Variants in PDZD2 observed in about 807,000 individuals in gnomAD.
PDZD2 encodes the protein PDZ domain containing 2.
In PDZD2, 90 loss-of-function variants were observed where a neutral mutation model predicts 220.7. The observed-to-expected ratio is 0.41, with a 90% CI of 0.34 to 0.49. PDZD2 has a LOEUF of 0.49. Ranked by LOEUF, PDZD2 falls within the 20% of genes least tolerant of loss-of-function variation. PDZD2 has a pLI of 0.28. For missense variants in PDZD2, 3,174 were observed against 3,608.5 expected, an observed-to-expected ratio of 0.88 and a Z score of 3.08; for synonymous variants, 1,375 against 1,450.5, an observed-to-expected ratio of 0.95 and a Z score of 1.18.
intron 1 of PDZD2, among the ~76,000 whole-genome samples, chr5:31,649,243 C>T (rs1157882457): frequency 1.3e-5 from 2 of 152,024 alleles, no homozygotes; most frequent in South Asian, 2.1e-4. Flanking sequence ...TTCTCGTTGC[C>T]ATTTCAGTGT....
intron 1 of PDZD2, among the ~76,000 whole-genome samples, chr5:31,660,837 C>A (rs372841916): frequency 6.6e-6 from 1 of 152,190 alleles, no homozygotes; most frequent in East Asian, 1.9e-4. Context: ...GTCCTCCCCC[C>A]TCAGCCTCCT....
intron 2 of PDZD2, among the ~76,000 whole-genome samples, chr5:31,927,958 G>A (rs530837213): frequency 1.3e-5 from 2 of 152,078 alleles, no homozygotes; most frequent in South Asian, 4.2e-4. Flanking sequence ...CACCAAGATG[G>A]CTCCTTCTTG....
intron 2 of PDZD2, among the ~76,000 whole-genome samples, chr5:31,886,729 G>A (rs1189088017): frequency 3.3e-5 from 5 of 149,326 alleles, no homozygotes; most frequent in Non-Finnish European, 7.4e-5. Context: ...ACGGAGTCTT[G>A]CTCTGTCGCT....
chr5:32,058,076 A>T lies in PDZD2; in HGVS notation c.2173A>T (p.Ile725Phe). 1.3e-6 allele frequency: 2 copies of T among 1,596,458 alleles called. No individual in the cohort carries two copies. Among genetic ancestry groups the T allele is most frequent in the Admixed American group, 1.7e-5 (1 of 60,008 alleles). ...GRKTPGPKDR[I>F]VMEVTLNKEP... ...GAAGACCCCTGGGCCCAAGGACAGG[A>T]TCGTCATGGAAGTAACACTCAACAA... Residue 725 changes from isoleucine to phenylalanine, a missense_variant, in exon 12 of 25, where the codon ATC becomes TTC. By Grantham distance (21) the Ile-to-Phe change is conservative. This residue lies in a region of PDZD2 where 1,861 missense variants were observed against 2,001.0 expected (regional missense o/e 0.93). Coordinates refer to ENST00000438447, the MANE Select transcript of PDZD2 (RefSeq NM_178140.4).
chr5:31,878,294 CT>C (rs1422510457), intron 2 of PDZD2, among the ~76,000 whole-genome samples: 2 of 152,140 alleles, frequency 1.3e-5, no homozygotes, highest in African/African-American at 4.8e-5. Context: ...TCCCCAGGGG[CT>C]TTTTTCTTGG....
intron 2 of PDZD2, among the ~76,000 whole-genome samples, chr5:31,873,138 A>C (rs1170205563): frequency 6.6e-6 from 1 of 152,146 alleles, no homozygotes; most frequent in Non-Finnish European, 1.5e-5. Flanking sequence ...GTATATAGAG[A>C]GATCCTGAGA....
chr5:32,022,180 T>A lies in PDZD2; in HGVS notation c.1407+11698T>A, dbSNP rs546614837. On this transcript the variant is annotated intron_variant, in intron 6 of 24. Transcript: ENST00000438447. ...TGTCTTCTTCTTTTTTCGTTTTGTT[T>A]TTTTGTTTTTTTGTTTTTTGTTTTT... Among the ~76,000 whole-genome samples the A allele has an allele frequency of 1.9e-4, 18 of 93,940 alleles. No homozygotes were observed. The East Asian group carries it at 4.2e-3, about 22-fold the overall frequency. 61.6% of individuals were successfully genotyped at this position (93,940 alleles called of 152,430 possible).
intron 2 of PDZD2, among the ~76,000 whole-genome samples, chr5:31,861,198 G>A (rs1737677350): frequency 1.3e-5 from 2 of 152,154 alleles, no homozygotes; most frequent in Non-Finnish European, 2.9e-5. Flanking sequence ...GCAGGAGAGA[G>A]TAAGTAGCAG....
At chr5:31,647,954 CT>C (rs1183214320) in intron 1 of PDZD2, among the ~76,000 whole-genome samples, 1 of 152,142 alleles carries the variant, frequency 6.6e-6, no homozygotes, top group African/African-American at 2.4e-5. Context: ...TCTCTTTTGC[CT>C]TTTAGTAAAT....
chr5:31,672,162 G>A (rs1005810636), intron 1 of PDZD2, among the ~76,000 whole-genome samples: 7 of 152,162 alleles, frequency 4.6e-5, no homozygotes, highest in South Asian at 2.1e-4. Flanking sequence ...CCTCGAGAAC[G>A]ACTGTCCTAG....
chr5:31,693,205 T>C (rs1747216077), intron 1 of PDZD2, among the ~76,000 whole-genome samples: 1 of 133,594 alleles, frequency 7.5e-6, no homozygotes, highest in African/African-American at 2.8e-5. Context: ...AAGAGGACAG[T>C]CTGGGGGTGG....
chr5:31,976,864 C>T (rs1170083247), intron 2 of PDZD2, among the ~76,000 whole-genome samples: 10 of 151,324 alleles, frequency 6.6e-5, no homozygotes, highest in African/African-American at 2.4e-4. Flanking sequence ...ATTACAGGCA[C>T]GTGCTACCAC....
chr5:31,953,045 G>A (rs1747320371), intron 2 of PDZD2, among the ~76,000 whole-genome samples: 1 of 143,406 alleles, frequency 7.0e-6, no homozygotes, highest in Admixed American at 7.1e-5. Context: ...GCAAGACAGA[G>A]TGAGACTCCA....
In PDZD2 at chr5:31,686,117, G is replaced by A. The variant is rs995645361; in HGVS notation, c.-361+46680G>A. Among the ~76,000 whole-genome samples, 8 of 151,792 alleles carry A rather than the reference G, an allele frequency of 5.3e-5. No individual in the cohort carries two copies. The South Asian group carries it at 8.3e-4, about 16-fold the overall frequency. On this transcript the variant is annotated intron_variant, in intron 1 of 24. Coordinates refer to ENST00000438447, the MANE Select transcript of PDZD2 (RefSeq NM_178140.4). ...ACCCAGGTAGTAGTCCCAGCTACTC[G>A]GGAGGCTGAGGCAGGAGAATCACTT...
chr5:31,896,872 G>A (rs1741617950), intron 2 of PDZD2, among the ~76,000 whole-genome samples: 1 of 152,208 alleles, frequency 6.6e-6, no homozygotes, highest in African/African-American at 2.4e-5. Context: ...TGGGAGGATT[G>A]CTTGAGCCTG....
chr5:31,805,303 T>C (rs563726869), intron 2 of PDZD2, among the ~76,000 whole-genome samples: 2 of 152,344 alleles, frequency 1.3e-5, no homozygotes, highest in East Asian at 3.9e-4. Context: ...ATTTAGGTAG[T>C]AGGGAGTTGA....
At chr5:31,917,904 TAATTTTGTATTTTTA>T (rs1743832767) in intron 2 of PDZD2, among the ~76,000 whole-genome samples, 3 of 152,140 alleles carry the variant, frequency 2.0e-5, no homozygotes, top group Non-Finnish European at 2.9e-5. Flanking sequence ...TACACCCAGC[TAATTTTGTATTTTTA>T]GTAGAGATGG....
In PDZD2 at chr5:32,009,993, A is replaced by T. The variant is rs985019817; in HGVS notation, c.1255-337A>T. 2.7e-5 allele frequency among the ~76,000 whole-genome samples: 4 copies of T among 150,006 alleles called. No individual in the cohort carries two copies. In the Admixed American group the frequency reaches 2.7e-4, roughly 10 times the overall value. ...TCCCAGCTACTTGGGAGGCTGATGC[A>T]GGAGAATCACTTGAACCCGGGAGGC... On this transcript the variant is annotated intron_variant, in intron 5 of 24. Coordinates refer to ENST00000438447, the MANE Select transcript of PDZD2 (RefSeq NM_178140.4).
intron 13 of PDZD2, 136 bp from the exon 14 acceptor site, chr5:32,060,866 C>T: frequency 1.6e-6 from 1 of 638,688 alleles, no homozygotes. Context: ...ACATGTATGC[C>T]AACGGGAAAA....
Sources: gnomAD v4.1 joint callset for allele counts (sites outside exome capture counted in the v4.1 genomes callset) on GRCh38, gnomAD v4.1.1 for gene constraint, gnomAD v4.1.1 regional missense constraint, MANE v1.5 for transcripts, NCBI Gene and HGNC (gene_info 2026-07-23, HGNC 2026-07-21) for gene names.